RASGRF2: variants seen among roughly 807,000 people sequenced by gnomAD.
The protein encoded by RASGRF2 is Ras protein specific guanine nucleotide releasing factor 2.
In RASGRF2, 76 loss-of-function variants were observed where a neutral mutation model predicts 151.0. The observed-to-expected ratio is 0.50, with a 90% confidence interval of 0.42 to 0.61. RASGRF2 has a LOEUF of 0.61. Among genes scored for constraint, RASGRF2 ranks in the 20% least tolerant of loss-of-function variants. The pLI is 0.00. For missense variants in RASGRF2, 1,148 were observed against 1,564.6 expected, an observed-to-expected ratio of 0.73 and a Z score of 4.49; for synonymous variants, 504 against 566.5, an observed-to-expected ratio of 0.89 and a Z score of 1.57.
intron 1 of RASGRF2, among the ~76,000 whole-genome samples, chr5:81,003,591 G>A (rs539374934): frequency 1.8e-3 from 275 of 151,562 alleles, no homozygotes; most frequent in African/African-American, 6.2e-3. Context: ...TGAACTCCTG[G>A]CCTCAAGTGA....
chr5:81,144,024 A>G (rs187559071), intron 17 of RASGRF2, among the ~76,000 whole-genome samples: 1 of 152,366 alleles, frequency 6.6e-6, no homozygotes, highest in African/African-American at 2.4e-5. Context: ...ATTATTATGC[A>G]GGAAAGTTAG....
intron 2 of RASGRF2, among the ~76,000 whole-genome samples, chr5:81,056,247 T>A (rs1202052158): frequency 6.6e-6 from 1 of 152,248 alleles, no homozygotes. Flanking sequence ...TCTTTCCTGC[T>A]TTCTCTTGTG....
intron 1 of RASGRF2, among the ~76,000 whole-genome samples, chr5:81,041,558 C>T (rs1301610108): frequency 6.6e-6 from 1 of 152,178 alleles, no homozygotes; most frequent in African/African-American, 2.4e-5. Flanking sequence ...GATCTGAGGA[C>T]TCTCCTTGTT....
At chr5:81,198,327 C>T (rs1023989522) in intron 18 of RASGRF2, among the ~76,000 whole-genome samples, 5 of 152,078 alleles carry the variant, frequency 3.3e-5, no homozygotes, top group African/African-American at 9.7e-5. Context: ...CCACGTGAAC[C>T]GAAGATTTAG....
chr5:80,989,631 G>A (rs766299047), intron 1 of RASGRF2, among the ~76,000 whole-genome samples: 23 of 152,162 alleles, frequency 1.5e-4, no homozygotes, highest in Non-Finnish European at 4.4e-5. Flanking sequence ...GTGCCACATC[G>A]TGTTAGTAAA....
chr5:81,019,493 C>G (rs759461328), intron 1 of RASGRF2: 3 of 152,206 alleles, frequency 2.0e-5, no homozygotes, highest in Non-Finnish European at 2.9e-5. Context: ...AACCTCCCAT[C>G]CTTCCCAGCA....
chr5:81,227,490 CTTGT>C lies in RASGRF2; in HGVS notation c.*1726_*1729del, dbSNP rs929241348. 1 of 152,086 alleles carries C rather than the reference CTTGT, an allele frequency of 6.6e-6. No individual in the cohort carries two copies. Among genetic ancestry groups the C allele is most frequent in the Non-Finnish European group, 1.5e-5 (1 of 68,020 alleles). The allele number at this position is 152,086 out of a possible 1,614,324, so 9.4% of individuals were successfully genotyped here. On this transcript the variant is annotated 3_prime_UTR_variant, in exon 27 of 27. Coordinates refer to ENST00000265080, the MANE Select transcript of RASGRF2 (RefSeq NM_006909.3). ...GCTTTCTTTTTCTTTTTTAAAGTTG[CTTGT>C]TTGTTCTCTTTAGTTTCAAATAAGA...
chr5:81,135,283 G>A (rs771192167), intron 17 of RASGRF2, among the ~76,000 whole-genome samples: 83 of 152,214 alleles, frequency 5.5e-4, no homozygotes, highest in Non-Finnish European at 9.0e-4. Flanking sequence ...CAGCCTGGGC[G>A]ACAGAGCAAA....
chr5:81,165,338 G>A (rs895134341), intron 17 of RASGRF2, among the ~76,000 whole-genome samples: 1 of 152,232 alleles, frequency 6.6e-6, no homozygotes. Context: ...ATGATAAAGT[G>A]AATAAAAAAT....
intron 14 of RASGRF2, among the ~76,000 whole-genome samples, 189 bp downstream of exon 14, chr5:81,113,047 T>C (rs10474648): frequency 0.027 from 4,046 of 152,310 alleles, 82 homozygotes; most frequent in African/African-American, 0.051. Context: ...AGGCACGAAG[T>C]TGAAAACCTG....
chr5:81,140,901 A>G (rs1042643498), intron 17 of RASGRF2, among the ~76,000 whole-genome samples: 1 of 151,958 alleles, frequency 6.6e-6, no homozygotes, highest in African/African-American at 2.4e-5. Flanking sequence ...AGGTGCTGCC[A>G]TGTTTGAAGG....
rs1484135355 is a variant in RASGRF2, at chr5:81,143,704, A to C, written c.2686+16541A>C. Reference sequence around the variant, plus strand: ...CAGGAGTTTGAGACCAGCCTGGCCAACATGGTGAAATCCCATCTCTACTAA... The same window carrying C: ...CAGGAGTTTGAGACCAGCCTGGCCACCATGGTGAAATCCCATCTCTACTAA... On this transcript the variant is annotated intron_variant, in intron 17 of 26. Coordinates refer to ENST00000265080, the MANE Select transcript of RASGRF2 (RefSeq NM_006909.3). Among the ~76,000 whole-genome samples, 4 of 152,060 alleles carry C rather than the reference A, an allele frequency of 2.6e-5. 1 individual carries two copies. Among genetic ancestry groups the C allele is most frequent in the Admixed American group, 2.6e-4 (4 of 15,276 alleles).
chr5:81,212,294 A>T, intron 22 of RASGRF2, 72 bp from the exon 23 acceptor site: 1 of 1,117,428 alleles, frequency 8.9e-7, no homozygotes, highest in Non-Finnish European at 1.3e-6. Context: ...TCTGCAGATA[A>T]TTTACATATT....
rs540399985 is a variant in RASGRF2 at position 81,053,294 on chromosome 5, G to A, written c.395+10311G>A. On this transcript the variant is annotated intron_variant, in intron 2 of 26. Transcript: ENST00000265080. ...TCCCCCCTCCCCCCACCCCATGACA[G>A]GCCCCAGTGTGTGATGTCCCCCTTC... 4.6e-5 allele frequency among the ~76,000 whole-genome samples: 5 copies of A among 107,592 alleles called. No homozygotes were observed. In the East Asian group the frequency reaches 1.4e-3, roughly 30 times the overall value. The allele number at this position is 107,592 out of a possible 152,430, so 70.6% of individuals were successfully genotyped here. A position where few individuals can be genotyped will look rare whatever the true frequency, so the allele number is the denominator to read the frequency against.
chr5:81,112,200 C>T (rs976814142), intron 13 of RASGRF2, among the ~76,000 whole-genome samples: 3 of 151,904 alleles, frequency 2.0e-5, no homozygotes, highest in Non-Finnish European at 2.9e-5. Context: ...ACCAGTCAAC[C>T]GCAGATCCAA....
At chr5:81,211,146 G>T in intron 22 of RASGRF2, among the ~76,000 whole-genome samples, 1 of 126,430 alleles carries the variant, frequency 7.9e-6, no homozygotes, top group South Asian at 2.8e-4. Context: ...CCTGTCTCCA[G>T]AAAAAAAAAA....
At chr5:81,046,112 T>G (rs1561575727) in intron 2 of RASGRF2, among the ~76,000 whole-genome samples, 1 of 152,236 alleles carries the variant, frequency 6.6e-6, no homozygotes, top group Non-Finnish European at 1.5e-5. Flanking sequence ...TAGTTTAGCA[T>G]GAGATGTTCT....
At chr5:81,129,743 G>T (rs1271702008) in intron 17 of RASGRF2, among the ~76,000 whole-genome samples, 2 of 152,188 alleles carry the variant, frequency 1.3e-5, no homozygotes, top group Non-Finnish European at 2.9e-5. Context: ...AGTTATTGTC[G>T]ATTGTGATTT....
At chr5:81,180,999 C>A (rs1043314646) in intron 18 of RASGRF2, among the ~76,000 whole-genome samples, 1 of 152,266 alleles carries the variant, frequency 6.6e-6, no homozygotes, top group South Asian at 2.1e-4. Flanking sequence ...CCCTCCTGGA[C>A]ACCCACCTGC....
Sources: allele counts gnomAD v4.1 joint callset (sites outside exome capture counted in the v4.1 genomes callset), GRCh38; gene constraint gnomAD v4.1.1; transcripts MANE v1.5; gene names NCBI Gene and HGNC (gene_info 2026-07-23, HGNC 2026-07-21).